ZBTB20: variants seen among roughly 807,000 people sequenced by gnomAD.
The protein encoded by ZBTB20 is zinc finger and BTB domain containing 20, also known as zinc finger and BTB domain-containing protein 20.
ZBTB20 carries 9 observed loss-of-function variants against 56.9 expected under a neutral mutation model. The ratio of observed to expected loss-of-function variants is 0.16; its 90% CI spans 0.10 to 0.28. ZBTB20 has a LOEUF of 0.28. Ranked by LOEUF, ZBTB20 falls within the 10% of genes least tolerant of loss-of-function variation. The pLI, the probability that ZBTB20 is intolerant of heterozygous loss-of-function variation, is 1.00. For synonymous variants in ZBTB20, 417 were observed against 420.7 expected, an observed-to-expected ratio of 0.99 and a Z score of 0.11; for missense variants, 655 against 1,003.0, an observed-to-expected ratio of 0.65 and a Z score of 4.69.
At chr3:114,519,762 A>G (rs2046423555) in intron 6 of ZBTB20, 1 of 152,226 alleles carries the variant, frequency 6.6e-6, no homozygotes, top group African/African-American at 2.4e-5. Flanking sequence ...GAGACTGCCA[A>G]TAAAGGGGCA....
intron 5 of ZBTB20, among the ~76,000 whole-genome samples, chr3:114,721,093 T>C (rs1289413256): frequency 6.6e-6 from 1 of 152,106 alleles, no homozygotes. Context: ...AACAAGTTAG[T>C]TGGAATTGTA....
intron 5 of ZBTB20, among the ~76,000 whole-genome samples, chr3:114,786,835 T>C (rs2070528726): frequency 1.3e-5 from 2 of 152,144 alleles, no homozygotes; most frequent in African/African-American, 4.8e-5. Context: ...TCTTATACAT[T>C]GCCAGTGGGA....
At chr3:115,054,055 T>C (rs1414373854) in intron 2 of ZBTB20, among the ~76,000 whole-genome samples, 1 of 152,182 alleles carries the variant, frequency 6.6e-6, no homozygotes, top group Non-Finnish European at 1.5e-5. Context: ...AGTCAATTTC[T>C]GCTTTGTAAA....
At chr3:114,795,807 C>G (rs1436005963) in intron 5 of ZBTB20, among the ~76,000 whole-genome samples, 1 of 152,022 alleles carries the variant, frequency 6.6e-6, no homozygotes. Context: ...TCTAAGGGAT[C>G]ATTTCTATAT....
At chr3:115,078,565 TAAGTA>T (rs2108531222) in intron 1 of ZBTB20, among the ~76,000 whole-genome samples, 1 of 150,760 alleles carries the variant, frequency 6.6e-6, no homozygotes, top group South Asian at 2.1e-4. Context: ...CATTTTAGTC[TAAGTA>T]TAGAACAACA....
chr3:115,096,446 AGTTT>A (rs1194568473), intron 1 of ZBTB20, among the ~76,000 whole-genome samples: 2 of 152,198 alleles, frequency 1.3e-5, no homozygotes, highest in African/African-American at 2.4e-5. Context: ...CCAAAAATGT[AGTTT>A]GTTAAAATAT....
chr3:115,110,290 C>T (rs1477352840), intron 1 of ZBTB20, among the ~76,000 whole-genome samples: 2 of 151,982 alleles, frequency 1.3e-5, no homozygotes, highest in Non-Finnish European at 2.9e-5. Flanking sequence ...ACGGAGTCAG[C>T]ATGATAGCAG....
chr3:114,507,122 T>C (rs2044720028), intron 6 of ZBTB20, among the ~76,000 whole-genome samples: 2 of 152,298 alleles, frequency 1.3e-5, no homozygotes, highest in South Asian at 4.1e-4. Context: ...AAGATGAGCT[T>C]GAAGATTAGG....
intron 4 of ZBTB20, among the ~76,000 whole-genome samples, chr3:114,860,824 C>T (rs577907982): frequency 6.6e-6 from 1 of 152,338 alleles, no homozygotes; most frequent in South Asian, 2.1e-4. Context: ...TCCTGTGCTA[C>T]TTGACAGAAG....
At chr3:114,875,091 G>C (rs936198992) in intron 4 of ZBTB20, among the ~76,000 whole-genome samples, 1 of 151,844 alleles carries the variant, frequency 6.6e-6, no homozygotes, top group African/African-American at 2.4e-5. Flanking sequence ...AATGACTGCC[G>C]TGACTACCCC....
chr3:115,098,987 T>C (rs2083480124), intron 1 of ZBTB20, among the ~76,000 whole-genome samples: 1 of 152,206 alleles, frequency 6.6e-6, no homozygotes, highest in African/African-American at 2.4e-5. Flanking sequence ...GACTTAAATT[T>C]TATCAAATGA....
intron 4 of ZBTB20, among the ~76,000 whole-genome samples, chr3:114,873,568 C>T (rs1057191060): frequency 6.6e-6 from 1 of 151,950 alleles, no homozygotes; most frequent in African/African-American, 2.4e-5. Context: ...TACAAAGTAC[C>T]CTTTGGGCAG....
chr3:114,641,734 A>C (rs2059573150), intron 6 of ZBTB20, among the ~76,000 whole-genome samples: 1 of 151,764 alleles, frequency 6.6e-6, no homozygotes, highest in African/African-American at 2.4e-5. Flanking sequence ...TCTTAATTTG[A>C]CTAGAAAAAA....
At chr3:114,432,082 C>A (rs1437048930) in intron 7 of ZBTB20, among the ~76,000 whole-genome samples, 1 of 150,998 alleles carries the variant, frequency 6.6e-6, no homozygotes, top group Non-Finnish European at 1.5e-5. Flanking sequence ...TTATATTTTG[C>A]TAATGTAAAA....
intron 3 of ZBTB20, among the ~76,000 whole-genome samples, chr3:114,902,320 A>G (rs1560380452): frequency 6.6e-6 from 1 of 152,194 alleles, no homozygotes; most frequent in Non-Finnish European, 1.5e-5. Context: ...GTGAGCATCT[A>G]CTGCCTGCAT....
chr3:114,777,234 C>T (rs913392126), intron 5 of ZBTB20, among the ~76,000 whole-genome samples: 2 of 152,090 alleles, frequency 1.3e-5, no homozygotes, highest in African/African-American at 2.4e-5. Flanking sequence ...AAAACAATAA[C>T]TTGGCTGGGC....
At chr3:114,697,539 C>CT (rs1048845634) in intron 5 of ZBTB20, among the ~76,000 whole-genome samples, 24 of 148,172 alleles carry the variant, frequency 1.6e-4, no homozygotes, top group Admixed American at 3.4e-4. Flanking sequence ...CTGTTATTTC[C>CT]TTTTTTTTTT....
At chr3:114,532,555 G>T (rs2047973155) in intron 6 of ZBTB20, among the ~76,000 whole-genome samples, 1 of 152,180 alleles carries the variant, frequency 6.6e-6, no homozygotes, top group African/African-American at 2.4e-5. Flanking sequence ...GCAGCTGTGG[G>T]CGCAGTTTCA....
chr3:114,990,701 T>G (rs2108147924), intron 2 of ZBTB20, among the ~76,000 whole-genome samples: 1 of 152,252 alleles, frequency 6.6e-6, no homozygotes, highest in East Asian at 1.9e-4. Flanking sequence ...TCCTTGTACC[T>G]CTGGTAGAAT....
Sources: gnomAD v4.1 joint callset for allele counts (sites outside exome capture counted in the v4.1 genomes callset) on GRCh38, gnomAD v4.1.1 for gene constraint, MANE v1.5 for transcripts, NCBI Gene and HGNC (gene_info 2026-07-23, HGNC 2026-07-21) for gene names.